Variants in RBPJ observed in about 807,000 individuals in gnomAD.
The protein encoded by RBPJ is recombination signal binding protein for immunoglobulin kappa J region.
A neutral mutation model predicts 67.8 loss-of-function variants in RBPJ; 9 were observed. The observed-to-expected ratio is 0.13, with a 90% CI of 0.08 to 0.23. The LOEUF is 0.23. Ranked by LOEUF, RBPJ falls within the 10% of genes least tolerant of loss-of-function variation. The pLI is 1.00. For missense variants in RBPJ, 305 were observed against 595.6 expected, an observed-to-expected ratio of 0.51 and a Z score of 5.08; for synonymous variants, 198 against 203.3, an observed-to-expected ratio of 0.97 and a Z score of 0.22.
chr4:26,390,104 C>T (rs13152066), intron 2 of RBPJ, among the ~76,000 whole-genome samples: 75,699 of 151,972 alleles, frequency 0.5, 20,059 homozygotes, highest in Admixed American at 0.62. Flanking sequence ...ACCTAGTGAG[C>T]TTTATCTCAG....
chr4:26,366,430 A>T lies in RBPJ; in HGVS notation c.21-19923A>T, dbSNP rs180984191. Among the ~76,000 whole-genome samples, 657 of 151,782 alleles carry T rather than the reference A, an allele frequency of 4.3e-3. 5 individuals carry two copies. Among genetic ancestry groups the T allele is most frequent in the African/African-American group, 0.015 (635 of 41,414 alleles). Reference sequence around the variant, plus strand: ...TAAATATATATGTGTATTTATTTTTATTTATTTTTTTGAGACCAAGTCTTG... The same window carrying T: ...TAAATATATATGTGTATTTATTTTTTTTTATTTTTTTGAGACCAAGTCTTG... On this transcript the variant is annotated intron_variant, in intron 1 of 10. Coordinates refer to ENST00000355476, the MANE Select transcript of RBPJ (RefSeq NM_015874.6).
intron 1 of RBPJ, among the ~76,000 whole-genome samples, chr4:26,258,365 T>G (rs1720414401): frequency 6.6e-6 from 1 of 152,204 alleles, no homozygotes; most frequent in Non-Finnish European, 1.5e-5. Flanking sequence ...GGGCTCACAA[T>G]CAAACCTCCA....
chr4:26,397,861 C>T (rs1416861862), intron 2 of RBPJ, among the ~76,000 whole-genome samples: 1 of 152,116 alleles, frequency 6.6e-6, no homozygotes, highest in Non-Finnish European at 1.5e-5. Context: ...TCTCAATCTC[C>T]TGACCTTGTG....
At chr4:26,230,807 T>TAGCCC (rs1164599077) in intron 1 of RBPJ, among the ~76,000 whole-genome samples, 1 of 152,206 alleles carries the variant, frequency 6.6e-6, no homozygotes, top group Non-Finnish European at 1.5e-5. Context: ...GCCCACAAAA[T>TAGCCC]ATATTTATAG....
the RBPJ span, among the ~76,000 whole-genome samples, chr4:26,152,050 A>T: frequency 6.6e-6 from 1 of 152,346 alleles, no homozygotes; most frequent in African/African-American, 2.4e-5. Flanking sequence ...TAAGATTCTC[A>T]TTCAAAAGTG....
the RBPJ span, among the ~76,000 whole-genome samples, chr4:26,115,063 A>C: frequency 6.6e-6 from 1 of 152,166 alleles, no homozygotes; most frequent in Non-Finnish European, 1.5e-5. Context: ...CCGACTCCAC[A>C]TTCAGTACTA....
At chr4:26,244,266 T>C (rs1354993864) in intron 1 of RBPJ, among the ~76,000 whole-genome samples, 2 of 147,002 alleles carry the variant, frequency 1.4e-5, no homozygotes, top group African/African-American at 2.6e-5. Context: ...CACATATGTG[T>C]ACACATATAT....
At chr4:26,211,263 CA>C (rs1269397867) in intron 1 of RBPJ, among the ~76,000 whole-genome samples, 1 of 152,110 alleles carries the variant, frequency 6.6e-6, no homozygotes, top group East Asian at 1.9e-4. Flanking sequence ...GACAAATACT[CA>C]TCAGATATTC....
In RBPJ at chr4:26,430,555, G is replaced by T. The variant is rs1293068491; in HGVS notation, c.1148+33G>T. On this transcript the variant is annotated intron_variant, in intron 10 of 10. Transcript: ENST00000355476. The surrounding 1 kb of genome is among the most constrained non-coding windows in gnomAD (Gnocchi z 4.1). Reference sequence around the variant, plus strand: ...ATAAAACTTTTTGCATCATCCAGAGGTTGTGAGGGGTGTGGGTACAGGAGA... The same window carrying T: ...ATAAAACTTTTTGCATCATCCAGAGTTTGTGAGGGGTGTGGGTACAGGAGA... 6.4e-7 allele frequency: 1 copy of T among 1,553,744 alleles called. No individual in the cohort carries two copies. Among genetic ancestry groups the T allele is most frequent in the African/African-American group, 1.4e-5 (1 of 73,112 alleles).
At chr4:26,280,576 A>G (rs940203505) in intron 1 of RBPJ, among the ~76,000 whole-genome samples, 4 of 152,122 alleles carry the variant, frequency 2.6e-5, no homozygotes, top group Non-Finnish European at 5.9e-5. Context: ...AATTTTAACT[A>G]TTTACAAATT....
chr4:26,203,978 C>T (rs1454211684), intron 1 of RBPJ, among the ~76,000 whole-genome samples: 1 of 152,204 alleles, frequency 6.6e-6, no homozygotes, highest in East Asian at 1.9e-4. Flanking sequence ...CAGGGTCTCA[C>T]TCTCCCACGG....
At chr4:26,181,443 A>G (rs1716989045) in intron 1 of RBPJ, among the ~76,000 whole-genome samples, 1 of 152,140 alleles carries the variant, frequency 6.6e-6, no homozygotes, top group African/African-American at 2.4e-5. Context: ...CTCCCTCTCC[A>G]TACCTCCTTG....
At chr4:26,179,864 A>G (rs1716918913) in intron 1 of RBPJ, among the ~76,000 whole-genome samples, 1 of 152,248 alleles carries the variant, frequency 6.6e-6, no homozygotes, top group Admixed American at 6.5e-5. Flanking sequence ...TCATAAACAC[A>G]CATGCATGCA....
chr4:26,184,651 A>T (rs1047564935), intron 1 of RBPJ, among the ~76,000 whole-genome samples: 2 of 152,112 alleles, frequency 1.3e-5, no homozygotes, highest in Admixed American at 6.5e-5. Flanking sequence ...TGGTCAAAGG[A>T]CATGATCTTT....
At chr4:26,132,298 G>A in the RBPJ span, among the ~76,000 whole-genome samples, 1 of 152,122 alleles carries the variant, frequency 6.6e-6, no homozygotes, top group Non-Finnish European at 1.5e-5. Context: ...AAGGACCCTT[G>A]GGCCCCACTT....
intron 1 of RBPJ, among the ~76,000 whole-genome samples, chr4:26,247,656 C>T (rs1441869592): frequency 8.5e-5 from 13 of 152,132 alleles, no homozygotes; most frequent in East Asian, 7.7e-4. Context: ...GTGATCCACC[C>T]GCCTCAGCCT....
At chr4:26,361,048 A>AGTGT (rs771047801) in intron 1 of RBPJ, among the ~76,000 whole-genome samples, 8,957 of 147,360 alleles carry the variant, frequency 0.061, 354 homozygotes, top group Middle Eastern at 0.12. Context: ...TTCAGGAGTG[A>AGTGT]GTGTGTGTGC....
At chr4:26,368,651 C>T (rs1577539908) in intron 1 of RBPJ, among the ~76,000 whole-genome samples, 1 of 152,308 alleles carries the variant, frequency 6.6e-6, no homozygotes, top group South Asian at 2.1e-4. Flanking sequence ...AAACTGAGAT[C>T]AGTAGCCAGA....
intron 1 of RBPJ, among the ~76,000 whole-genome samples, chr4:26,185,031 A>T (rs569816085): frequency 6.6e-6 from 1 of 151,714 alleles, no homozygotes; most frequent in East Asian, 2.0e-4. Flanking sequence ...AATCCTAGCT[A>T]CTCGGGAGGC....
Sources: allele counts gnomAD v4.1 joint callset (sites outside exome capture counted in the v4.1 genomes callset), GRCh38; gene constraint gnomAD v4.1.1; non-coding constraint Gnocchi (gnomAD v3.1); transcripts MANE v1.5; gene names NCBI Gene and HGNC (gene_info 2026-07-23, HGNC 2026-07-21).